UBE2E3: variants seen among roughly 807,000 people sequenced by gnomAD.
UBE2E3 encodes the protein ubiquitin conjugating enzyme E2 E3.
A neutral mutation model predicts 23.6 loss-of-function variants in UBE2E3; 5 were observed. The observed-to-expected ratio is 0.21, with a 90% CI of 0.11 to 0.44. The LOEUF (loss-of-function observed/expected upper bound fraction) is 0.44. UBE2E3 is among the 20% of genes least tolerant of loss of function. UBE2E3 has a pLI of 0.99. For synonymous variants in UBE2E3, 78 were observed against 87.5 expected (o/e 0.89, Z 0.60); for missense variants, 81 against 249.8 (o/e 0.32, Z 4.55).
intron 3 of UBE2E3, among the ~76,000 whole-genome samples, chr2:181,024,239 C>T (rs1685803963): frequency 6.6e-6 from 1 of 152,092 alleles, no homozygotes; most frequent in Non-Finnish European, 1.5e-5. Flanking sequence ...TGACTCTTCT[C>T]AGAAAATGAT....
intron 3 of UBE2E3, among the ~76,000 whole-genome samples, chr2:181,050,769 AG>A (rs1686818342): frequency 6.6e-6 from 1 of 151,880 alleles, no homozygotes; most frequent in Non-Finnish European, 1.5e-5. Flanking sequence ...ATACTCGAAC[AG>A]GATTACTACT....
At chr2:181,003,358 G>T (rs1033388885) in intron 3 of UBE2E3, among the ~76,000 whole-genome samples, 1 of 152,164 alleles carries the variant, frequency 6.6e-6, no homozygotes, top group Non-Finnish European at 1.5e-5. Context: ...TCATGTTTCA[G>T]ATGACCTCTA....
At chr2:180,994,130 A>G (rs1684757717) in intron 3 of UBE2E3, among the ~76,000 whole-genome samples, 1 of 152,096 alleles carries the variant, frequency 6.6e-6, no homozygotes, top group Admixed American at 6.5e-5. Context: ...TTTAAAAGAC[A>G]TTTTTCTCAT....
intron 3 of UBE2E3, chr2:180,989,827 T>C: frequency 1.3e-6 from 2 of 1,505,358 alleles, no homozygotes; most frequent in Non-Finnish European, 9.0e-7. Context: ...ATTAGTACTT[T>C]ATGCTCTCCT....
chr2:181,052,247 A>G (rs866487299), intron 3 of UBE2E3, among the ~76,000 whole-genome samples: 4 of 151,906 alleles, frequency 2.6e-5, no homozygotes, highest in Admixed American at 2.0e-4. Context: ...GATGTCAAGA[A>G]TTAATTAAAA....
intron 3 of UBE2E3, among the ~76,000 whole-genome samples, chr2:181,037,900 C>T (rs1686351176): frequency 6.6e-6 from 1 of 152,130 alleles, no homozygotes; most frequent in Admixed American, 6.5e-5. Flanking sequence ...CCCAGGAGTT[C>T]AAGATTGCAG....
chr2:180,988,240 C>T (rs1684541703), intron 3 of UBE2E3, among the ~76,000 whole-genome samples: 1 of 152,080 alleles, frequency 6.6e-6, no homozygotes. Flanking sequence ...CTCACTGTTG[C>T]TGGCATTTTC....
chr2:181,019,353 C>T (rs1420393981), intron 3 of UBE2E3, among the ~76,000 whole-genome samples: 1 of 152,194 alleles, frequency 6.6e-6, no homozygotes, highest in Non-Finnish European at 1.5e-5. Flanking sequence ...TCAAAATGTG[C>T]TGCCCATAAA....
rs1329356206 is a variant in UBE2E3, at chr2:180,989,812, A to G, written c.245+5719A>G. On this transcript the variant is annotated intron_variant, in intron 3 of 5. Coordinates refer to ENST00000410062, the MANE Select transcript of UBE2E3 (RefSeq NM_006357.4). ...ACATAACCAGTCATATTCCTCTCATAACCAATTAGTACTTTATGCTCTCCT... is the reference window on the plus strand; with the variant it reads ...ACATAACCAGTCATATTCCTCTCATGACCAATTAGTACTTTATGCTCTCCT... 3 of 1,447,946 alleles carry G rather than the reference A, an allele frequency of 2.1e-6. No individual in the cohort carries two copies. The African/African-American group carries it at 4.2e-5, about 21-fold the overall frequency. 89.7% of individuals were successfully genotyped at this position (1,447,946 alleles called of 1,614,324 possible).
chr2:180,981,061 C>T (rs955727945), intron 1 of UBE2E3, 88 bp downstream of exon 1: 7 of 146,308 alleles, frequency 4.8e-5, no homozygotes, highest in African/African-American at 1.7e-4. Flanking sequence ...CAGCTTTGTT[C>T]GCGCCGGGCG....
At chr2:181,016,160 T>C (rs893175915) in intron 3 of UBE2E3, among the ~76,000 whole-genome samples, 4 of 152,092 alleles carry the variant, frequency 2.6e-5, no homozygotes, top group African/African-American at 9.7e-5. Context: ...ATTTTAACCC[T>C]GAATCTGCCA....
At chr2:180,992,164 G>A (rs1684677114) in intron 3 of UBE2E3, among the ~76,000 whole-genome samples, 1 of 152,030 alleles carries the variant, frequency 6.6e-6, no homozygotes, top group Admixed American at 6.6e-5. Context: ...ATGCTTAAGA[G>A]TTCTTTTCTC....
At chr2:181,050,269 A>T (rs1686785720) in intron 3 of UBE2E3, among the ~76,000 whole-genome samples, 1 of 151,924 alleles carries the variant, frequency 6.6e-6, no homozygotes, top group Admixed American at 6.6e-5. Context: ...ATTTGTTTTG[A>T]AGGTGATACC....
chr2:180,992,493 T>C (rs1318818063), intron 3 of UBE2E3, among the ~76,000 whole-genome samples: 1 of 152,232 alleles, frequency 6.6e-6, no homozygotes, highest in Non-Finnish European at 1.5e-5. Context: ...TTCTCACTCA[T>C]GTGAAGACCA....
At chr2:181,035,424 C>T (rs1010404125) in intron 3 of UBE2E3, among the ~76,000 whole-genome samples, 6 of 151,968 alleles carry the variant, frequency 3.9e-5, no homozygotes. Flanking sequence ...ATATGAATTA[C>T]TTTTTAAATA....
intron 3 of UBE2E3, among the ~76,000 whole-genome samples, chr2:180,992,817 A>G (rs552083992): frequency 1.5e-4 from 22 of 149,866 alleles, no homozygotes; most frequent in Non-Finnish European, 2.8e-4. Flanking sequence ...ATGTGCCACC[A>G]CACTCAACTA....
At chr2:181,036,010 A>AT (rs1686267156) in intron 3 of UBE2E3, among the ~76,000 whole-genome samples, 9 of 152,330 alleles carry the variant, frequency 5.9e-5, no homozygotes, top group Admixed American at 5.2e-4. Context: ...GTCAATCCTG[A>AT]TTTCTTGAGT....
At chr2:181,027,446 T>C (rs972336282) in intron 3 of UBE2E3, among the ~76,000 whole-genome samples, 1 of 151,964 alleles carries the variant, frequency 6.6e-6, no homozygotes, top group Admixed American at 6.6e-5. Context: ...AGGAACTATT[T>C]GACCCATTAA....
Position 180,987,228 on chromosome 2 carries a change from C to G in UBE2E3, c.245+3135C>G, listed in dbSNP as rs1684503529. On this transcript the variant is annotated intron_variant, in intron 3 of 5. Coordinates refer to ENST00000410062, the MANE Select transcript of UBE2E3 (RefSeq NM_006357.4). The stretch of plus-strand genomic sequence containing the variant: ...AAATAATTTATACATCAATGAGAGT[C>G]AAGGGAAATTGTGTTATGGGCATTT... 10 of 1,199,522 alleles carry G rather than the reference C, an allele frequency of 8.3e-6. No individual in the cohort carries two copies. The Admixed American group carries it at 2.0e-4, about 24-fold the overall frequency. 74.3% of individuals were successfully genotyped at this position (1,199,522 alleles called of 1,614,324 possible). A position where few individuals can be genotyped will look rare whatever the true frequency, so the allele number is the denominator to read the frequency against.
Sources: gnomAD v4.1 joint callset for allele counts (sites outside exome capture counted in the v4.1 genomes callset) on GRCh38, gnomAD v4.1.1 for gene constraint, MANE v1.5 for transcripts, NCBI Gene and HGNC (gene_info 2026-07-23, HGNC 2026-07-21) for gene names.